The following NANS variants were observed in gnomAD, a reference collection of about 807,000 sequenced individuals.
NANS encodes N-acetylneuraminate-9-phosphate synthase.
In NANS, 29 loss-of-function variants were observed where a neutral mutation model predicts 33.3. The ratio of observed to expected loss-of-function variants is 0.87; its 90% CI spans 0.65 to 1.19. The LOEUF (loss-of-function observed/expected upper bound fraction) is 1.19, where lower values mean the gene tolerates loss of function less well. NANS is among the 50% of genes most tolerant of loss of function. The pLI is 0.00. For missense variants in NANS, 394 were observed against 461.1 expected, an observed-to-expected ratio of 0.85 and a Z score of 1.33; for synonymous variants, 163 against 177.2, an observed-to-expected ratio of 0.92 and a Z score of 0.64.
Position 98,080,996 on chromosome 9 carries a change from C to A in NANS, c.784C>A (p.Leu262Met). 6.2e-7 allele frequency: 1 copy of A among 1,614,220 alleles called. No homozygotes were observed. Among genetic ancestry groups the A allele is most frequent in the South Asian group, 1.1e-5 (1 of 91,086 alleles). ...GCTGGAGCCTGGAGAACTGGCCGAG[C>A]TGGTGCGGTCAGTGCGTCTTGTGGA... is the stretch of plus-strand genomic sequence containing the variant. ...ASLEPGELAE[L>M]VRSVRLVERA... The change falls in exon 5 of 6, where the codon CTG becomes ATG. Residue 262 changes from leucine to methionine, a missense_variant. By Grantham distance (15) the Leu-to-Met change is conservative (BLOSUM62 2). Transcript: ENST00000210444.
intron 2 of NANS, among the ~76,000 whole-genome samples, chr9:98,074,192 G>A (rs1269486397): frequency 6.6e-6 from 1 of 152,214 alleles, no homozygotes; most frequent in Non-Finnish European, 1.5e-5. Flanking sequence ...GCAGGGTAGT[G>A]TTTCTCCCAA....
chr9:98,059,518 G>A (rs906641505), intron 1 of NANS, among the ~76,000 whole-genome samples: 1 of 152,016 alleles, frequency 6.6e-6, no homozygotes, highest in East Asian at 1.9e-4. Context: ...GGGATCAAGC[G>A]ATCCTCCCCC....
chr9:98,061,154 C>A, intron 2 of NANS, 157 bp downstream of exon 2: 1 of 672,152 alleles, frequency 1.5e-6, no homozygotes, highest in Non-Finnish European at 2.5e-6. Context: ...CAGTGAGAAT[C>A]TGTGGGAAGG....
intron 4 of NANS, among the ~76,000 whole-genome samples, chr9:98,079,459 A>T (rs557739523): frequency 9.1e-6 from 1 of 110,024 alleles, no homozygotes; most frequent in Non-Finnish European, 1.7e-5. Context: ...ACATGTTGTT[A>T]TACAGCCATT....
intron 2 of NANS, among the ~76,000 whole-genome samples, chr9:98,073,720 A>G (rs1433871708): frequency 6.6e-6 from 1 of 152,098 alleles, no homozygotes; most frequent in Non-Finnish European, 1.5e-5. Context: ...AGTGTCCCAC[A>G]GGACACAGTA....
intron 2 of NANS, among the ~76,000 whole-genome samples, chr9:98,063,403 A>G (rs756016693): frequency 1.3e-5 from 2 of 151,140 alleles, no homozygotes; most frequent in Non-Finnish European, 2.9e-5. Context: ...CACCAGGCCC[A>G]GCTAAATTTT....
chr9:98,077,802 G>A (rs958279516), intron 3 of NANS, among the ~76,000 whole-genome samples: 1 of 152,144 alleles, frequency 6.6e-6, no homozygotes, highest in Non-Finnish European at 1.5e-5. Context: ...ACAGTACTCT[G>A]CCCAGGCACA....
At chr9:98,062,780 T>C (rs1297747068) in intron 2 of NANS, among the ~76,000 whole-genome samples, 3 of 146,122 alleles carry the variant, frequency 2.1e-5, no homozygotes, top group Non-Finnish European at 4.5e-5. Flanking sequence ...TATTTCAGTT[T>C]TTTTTTTTTT....
At chr9:98,061,847 TCAGCCA>T (rs1019525887) in intron 2 of NANS, among the ~76,000 whole-genome samples, 8 of 151,008 alleles carry the variant, frequency 5.3e-5, no homozygotes, top group African/African-American at 1.9e-4. Context: ...GAAGTAGGGG[TCAGCCA>T]CACTGGAATC....
intron 3 of NANS, among the ~76,000 whole-genome samples, chr9:98,077,401 G>A (rs945169867): frequency 1.3e-5 from 2 of 151,030 alleles, no homozygotes; most frequent in Admixed American, 1.3e-4. Context: ...ATAGAGACAA[G>A]GTCTGTCTAT....
At chr9:98,061,326 A>T (rs1828968668) in intron 2 of NANS, 1 of 267,856 alleles carries the variant, frequency 3.7e-6, no homozygotes, top group Non-Finnish European at 7.4e-6. Flanking sequence ...AAAATACAAA[A>T]ATTAGCTGGG....
At chr9:98,075,951 A>G (rs1051681334) in intron 2 of NANS, 1 of 152,156 alleles carries the variant, frequency 6.6e-6, no homozygotes, top group African/African-American at 2.4e-5. Context: ...TTCAGCAAGC[A>G]TTTGCTGACA....
chr9:98,064,056 T>C (rs1829062716), intron 2 of NANS, among the ~76,000 whole-genome samples: 1 of 152,210 alleles, frequency 6.6e-6, no homozygotes, highest in Non-Finnish European at 1.5e-5. Context: ...GTGTGTCGAC[T>C]GAGTTGAAAG....
At chr9:98,081,146 AGAG>A (rs1189015287) in intron 5 of NANS, 64 bp downstream of exon 5, 9 of 1,594,768 alleles carry the variant, frequency 5.6e-6, no homozygotes, top group Non-Finnish European at 6.9e-6. Flanking sequence ...GGCTGGCCTG[AGAG>A]GGATGGTCAG....
intron 1 of NANS, among the ~76,000 whole-genome samples, chr9:98,058,468 G>A (rs927812450): frequency 6.6e-6 from 1 of 152,142 alleles, no homozygotes; most frequent in African/African-American, 2.4e-5. Context: ...AATACAGTAA[G>A]GGGTTTTTTC....
At chr9:98,058,265 A>G (rs1331209123) in intron 1 of NANS, among the ~76,000 whole-genome samples, 1 of 152,180 alleles carries the variant, frequency 6.6e-6, no homozygotes, top group African/African-American at 2.4e-5. Flanking sequence ...TCACTGAATC[A>G]TAAAAATACT....
chr9:98,072,406 A>G (rs1041847801), intron 2 of NANS, among the ~76,000 whole-genome samples: 1 of 150,752 alleles, frequency 6.6e-6, no homozygotes, highest in African/African-American at 2.4e-5. Flanking sequence ...GCAGTGAGGG[A>G]AAGTGCATTT....
At chr9:98,077,473 G>GTGT (rs1277794044) in intron 3 of NANS, among the ~76,000 whole-genome samples, 2 of 151,700 alleles carry the variant, frequency 1.3e-5, no homozygotes, top group African/African-American at 2.4e-5. Flanking sequence ...GCCTCCCAAA[G>GTGT]TGTTGGGATT....
At position 98,056,777 on chromosome 9, in the gene NANS, G is replaced by A; in HGVS notation, c.-32G>A. ...CGGCGGCGGCGGCCGGACCCAGACT[G>A]GTAGTGAGGCTTTGGACCCCGAGCC... On this transcript the variant is annotated 5_prime_UTR_variant, in exon 1 of 6. Transcript: ENST00000210444. 3 of 1,606,774 alleles carry A rather than the reference G, an allele frequency of 1.9e-6. No individual in the cohort carries two copies. Among genetic ancestry groups the A allele is most frequent in the East Asian group, 2.2e-5 (1 of 44,614 alleles).
Sources: gnomAD v4.1 joint callset for allele counts (sites outside exome capture counted in the v4.1 genomes callset) on GRCh38, gnomAD v4.1.1 for gene constraint, MANE v1.5 for transcripts, NCBI Gene and HGNC (gene_info 2026-07-23, HGNC 2026-07-21) for gene names.